Variants in CNTN3 observed in about 807,000 individuals in gnomAD.
CNTN3 encodes the protein contactin 3.
In CNTN3, 60 loss-of-function variants were observed where a neutral mutation model predicts 119.1. The observed-to-expected ratio is 0.50, with a 90% CI of 0.41 to 0.62. The LOEUF (loss-of-function observed/expected upper bound fraction) is 0.62. Ranked by LOEUF, CNTN3 falls within the 20% of genes least tolerant of loss-of-function variation. The pLI, the probability that CNTN3 is intolerant of heterozygous loss-of-function variation, is 0.00. For missense variants in CNTN3, 1,101 were observed against 1,242.4 expected, an observed-to-expected ratio of 0.89 and a Z score of 1.71; for synonymous variants, 450 against 438.7, an observed-to-expected ratio of 1.03 and a Z score of -0.32.
intron 13 of CNTN3, among the ~76,000 whole-genome samples, chr3:74,322,975 G>A (rs1299451589): frequency 1.3e-5 from 2 of 152,296 alleles, no homozygotes; most frequent in African/African-American, 2.4e-5. Flanking sequence ...ATTAGTGGTT[G>A]CCAGAAGTTA....
chr3:74,392,352 C>T (rs967426721), intron 5 of CNTN3, among the ~76,000 whole-genome samples: 1 of 152,090 alleles, frequency 6.6e-6, no homozygotes, highest in South Asian at 2.1e-4. Context: ...TTTCTTTTTG[C>T]CATTCTTCTT....
chr3:74,586,835 C>CA (rs765648299), intron 1 of CNTN3, among the ~76,000 whole-genome samples: 1 of 151,738 alleles, frequency 6.6e-6, no homozygotes, highest in Admixed American at 6.6e-5. Context: ...CAGAACATAC[C>CA]AAAAAAACAG....
At chr3:74,538,099 C>T (rs1703791221) in intron 1 of CNTN3, among the ~76,000 whole-genome samples, 1 of 151,650 alleles carries the variant, frequency 6.6e-6, no homozygotes, top group Non-Finnish European at 1.5e-5. Flanking sequence ...AGTTTGCCCA[C>T]CAACAAAAAA....
Position 74,266,711 on chromosome 3 carries a change from A to G in CNTN3, c.2818-62T>C, listed in dbSNP as rs576335215. ...TGCCCATTTTTGTTTTCTTCATAGA[A>G]TTTGTCTCTCTGAAATTAACTAATT... On this transcript the variant is annotated intron_variant, in intron 21 of 22. Coordinates refer to ENST00000263665, the MANE Select transcript of CNTN3 (RefSeq NM_020872.3). The G allele has an allele frequency of 5.4e-4, 800 of 1,479,034 alleles. 4 individuals carry two copies. Among genetic ancestry groups the G allele is most frequent in the Middle Eastern group, 3.1e-3 (17 of 5,452 alleles). 91.6% of individuals were successfully genotyped at this position (1,479,034 alleles called of 1,614,324 possible).
chr3:74,272,384 C>T (rs1331003734), intron 20 of CNTN3, among the ~76,000 whole-genome samples: 1 of 152,130 alleles, frequency 6.6e-6, no homozygotes, highest in South Asian at 2.1e-4. Context: ...AAGTTTTACA[C>T]ATTTAGTCAG....
intron 5 of CNTN3, among the ~76,000 whole-genome samples, chr3:74,414,560 C>T (rs1236627860): frequency 6.6e-6 from 1 of 152,168 alleles, no homozygotes; most frequent in African/African-American, 2.4e-5. Flanking sequence ...AGGAAAGACC[C>T]CACCCTATGG....
At chr3:74,393,177 A>T (rs975225320) in intron 5 of CNTN3, among the ~76,000 whole-genome samples, 1 of 152,210 alleles carries the variant, frequency 6.6e-6, no homozygotes, top group Non-Finnish European at 1.5e-5. Flanking sequence ...AATTCGACTG[A>T]AAGAAACATC....
chr3:74,274,351 C>A (rs556771608), intron 20 of CNTN3, among the ~76,000 whole-genome samples: 2 of 152,092 alleles, frequency 1.3e-5, no homozygotes, highest in Non-Finnish European at 2.9e-5. Flanking sequence ...CCAACCAGCA[C>A]AAAAATAGAG....
chr3:74,508,706 C>T (rs1335225972), intron 2 of CNTN3, among the ~76,000 whole-genome samples: 1 of 151,990 alleles, frequency 6.6e-6, no homozygotes, highest in East Asian at 1.9e-4. Context: ...TGTGCTTTAT[C>T]CTACTTTTAA....
At chr3:74,277,729 C>T (rs1386505770) in intron 20 of CNTN3, among the ~76,000 whole-genome samples, 1 of 152,026 alleles carries the variant, frequency 6.6e-6, no homozygotes, top group East Asian at 1.9e-4. Context: ...CCTACTCTCA[C>T]CACTCCTCTT....
At chr3:74,437,298 T>C (rs943956408) in intron 4 of CNTN3, among the ~76,000 whole-genome samples, 3 of 151,948 alleles carry the variant, frequency 2.0e-5, no homozygotes, top group African/African-American at 4.8e-5. Context: ...CCGTCTCTAC[T>C]AAAAATACAA....
chr3:74,421,201 C>A (rs113655355), intron 5 of CNTN3, among the ~76,000 whole-genome samples: 1 of 152,036 alleles, frequency 6.6e-6, no homozygotes, highest in Non-Finnish European at 1.5e-5. Flanking sequence ...GACAGAGTCT[C>A]GCTCTGTTGC....
intron 1 of CNTN3, among the ~76,000 whole-genome samples, chr3:74,602,028 G>T (rs1210013914): frequency 6.6e-6 from 1 of 151,914 alleles, no homozygotes; most frequent in Non-Finnish European, 1.5e-5. Context: ...ATATGAACAG[G>T]CCAGGCATGA....
At chr3:74,297,530 T>C (rs769251927) in intron 18 of CNTN3, among the ~76,000 whole-genome samples, 3 of 152,168 alleles carry the variant, frequency 2.0e-5, no homozygotes, top group Non-Finnish European at 2.9e-5. Flanking sequence ...AAGGAGCAGA[T>C]AGGAGGCTAA....
intron 5 of CNTN3, among the ~76,000 whole-genome samples, chr3:74,409,625 A>C (rs1701405555): frequency 6.6e-6 from 1 of 151,982 alleles, no homozygotes; most frequent in Admixed American, 6.6e-5. Context: ...AGTTCACAAA[A>C]ATTTACCTAG....
intron 4 of CNTN3, among the ~76,000 whole-genome samples, chr3:74,427,075 T>C (rs1163093988): frequency 1.3e-5 from 2 of 152,224 alleles, no homozygotes; most frequent in Admixed American, 1.3e-4. Context: ...AGCACAAATA[T>C]AGCTGGCACA....
Position 74,301,495 on chromosome 3 carries a change from G to A in CNTN3, c.1998C>T (p.Asn666=). The change falls in exon 16 of 23, where the codon AAC becomes AAT. Residue 666 remains asparagine (N), a synonymous_variant. Transcript: ENST00000263665. ...KTHTATVVEL[N]PWVEYEFRVV... ...CCCGAAATTCATATTCCACCCATGG[G>A]TTTAACTCAACTACAGTGGCTGTGT... 6.2e-7 allele frequency: 1 copy of A among 1,614,106 alleles called. No homozygotes were observed. The highest frequency in any genetic ancestry group is 8.5e-7 in the Non-Finnish European group (1 of 1,180,008).
chr3:74,465,527 T>C lies in CNTN3; in HGVS notation c.358+20929A>G, dbSNP rs573684167. ...ATTTTTCTCTGCTGGTGTCTTCTAA[T>C]GGAAGAATCTAGAAAGAATGATAAA... On this transcript the variant is annotated intron_variant, in intron 4 of 22. Coordinates refer to ENST00000263665, the MANE Select transcript of CNTN3 (RefSeq NM_020872.3). Among the ~76,000 whole-genome samples, 19 of 152,336 alleles carry C rather than the reference T, an allele frequency of 1.2e-4. No individual in the cohort carries two copies. In the South Asian group the frequency reaches 3.5e-3, roughly 28 times the overall value.
chr3:74,439,685 A>G (rs1275370398), intron 4 of CNTN3, among the ~76,000 whole-genome samples: 2 of 152,200 alleles, frequency 1.3e-5, no homozygotes. Flanking sequence ...TCTAACAGGG[A>G]GAAAACAGAG....
Sources: allele counts gnomAD v4.1 joint callset (sites outside exome capture counted in the v4.1 genomes callset), GRCh38; gene constraint gnomAD v4.1.1; transcripts MANE v1.5; gene names NCBI Gene and HGNC (gene_info 2026-07-23, HGNC 2026-07-21).